CAST: variants seen among roughly 807,000 people sequenced by gnomAD.
CAST encodes the protein calpastatin, also known as MIR583 host.
A neutral mutation model predicts 119.6 loss-of-function variants in CAST; 76 were observed. The ratio of observed to expected loss-of-function variants is 0.64; its 90% CI spans 0.53 to 0.77. The LOEUF is 0.77. Among genes scored for constraint, CAST ranks in the 30% least tolerant of loss-of-function variants. The pLI, the probability that CAST is intolerant of heterozygous loss-of-function variation, is 0.00. For missense variants in CAST, 953 were observed against 946.5 expected, an observed-to-expected ratio of 1.01 and a Z score of -0.09; for synonymous variants, 319 against 331.6, an observed-to-expected ratio of 0.96 and a Z score of 0.41.
the CAST span, among the ~76,000 whole-genome samples, chr5:96,137,236 A>G: frequency 1.3e-5 from 2 of 152,080 alleles, no homozygotes; most frequent in African/African-American, 4.8e-5. Flanking sequence ...TTTGTCTTTT[A>G]CAGAATGTGA....
chr5:96,541,040 T>C (rs541003919), intron 1 of CAST, among the ~76,000 whole-genome samples: 1 of 151,572 alleles, frequency 6.6e-6, no homozygotes, highest in South Asian at 2.1e-4. Flanking sequence ...GAAGTCGCAA[T>C]GCACAGAACA....
the CAST span, among the ~76,000 whole-genome samples, chr5:96,493,380 C>T: frequency 6.6e-6 from 1 of 152,150 alleles, no homozygotes; most frequent in African/African-American, 2.4e-5. Flanking sequence ...GTCCCTTTGT[C>T]CTGCAATCTA....
the CAST span, among the ~76,000 whole-genome samples, chr5:96,322,279 G>T: frequency 6.6e-6 from 1 of 152,160 alleles, no homozygotes; most frequent in African/African-American, 2.4e-5. Flanking sequence ...CCCTGAGGGT[G>T]CTACAGAGGC....
chr5:96,062,045 C>T, the CAST span, among the ~76,000 whole-genome samples: 2 of 152,084 alleles, frequency 1.3e-5, no homozygotes, highest in Admixed American at 6.6e-5. Flanking sequence ...CCCTTTTCAC[C>T]TTGAAATCCG....
chr5:96,427,347 G>A, the CAST span, among the ~76,000 whole-genome samples: 1 of 152,102 alleles, frequency 6.6e-6, no homozygotes, highest in African/African-American at 2.4e-5. Flanking sequence ...CAGGCTGAAT[G>A]GTATAGAGGA....
chr5:96,360,577 C>T, the CAST span, among the ~76,000 whole-genome samples: 43,888 of 152,064 alleles, frequency 0.29, 7,424 homozygotes, highest in Admixed American at 0.42. Flanking sequence ...TTCCTCCTGA[C>T]GGTCAGGCTC....
At chr5:96,136,500 G>A in the CAST span, among the ~76,000 whole-genome samples, 1 of 152,124 alleles carries the variant, frequency 6.6e-6, no homozygotes, top group Admixed American at 6.6e-5. Context: ...TACTGTATTA[G>A]AAAACAAACA....
At chr5:96,710,946 T>C (rs1474304079) in intron 3 of CAST, among the ~76,000 whole-genome samples, 1 of 152,218 alleles carries the variant, frequency 6.6e-6, no homozygotes, top group African/African-American at 2.4e-5. Flanking sequence ...CTGTTGAGTT[T>C]GAGCCTTCTG....
chr5:96,486,380 A>G, the CAST span, among the ~76,000 whole-genome samples: 2 of 152,268 alleles, frequency 1.3e-5, no homozygotes, highest in Non-Finnish European at 2.9e-5. Flanking sequence ...GTCATCTGCC[A>G]TTGGAAACTC....
the CAST span, among the ~76,000 whole-genome samples, chr5:96,286,304 C>T: frequency 1.3e-5 from 2 of 152,258 alleles, no homozygotes; most frequent in South Asian, 2.1e-4. Context: ...GGTAGCTGAC[C>T]TATAGAAATA....
the CAST span, chr5:96,408,350 G>T: frequency 6.4e-7 from 1 of 1,557,184 alleles, no homozygotes; most frequent in Non-Finnish European, 8.9e-7. Flanking sequence ...AGGAGAGAAA[G>T]GCAGGGAGAA....
chr5:96,123,114 T>C, the CAST span, among the ~76,000 whole-genome samples: 1 of 152,164 alleles, frequency 6.6e-6, no homozygotes, highest in Admixed American at 6.6e-5. Flanking sequence ...CCTATAGAAA[T>C]GCATCAATGG....
intron 1 of CAST, among the ~76,000 whole-genome samples, chr5:96,578,186 T>C (rs1317424947): frequency 6.6e-6 from 1 of 152,152 alleles, no homozygotes; most frequent in Non-Finnish European, 1.5e-5. Flanking sequence ...TCTCTCTTTG[T>C]TGTTAGCAAT....
chr5:96,158,559 G>T, the CAST span, among the ~76,000 whole-genome samples: 5 of 152,180 alleles, frequency 3.3e-5, no homozygotes, highest in East Asian at 9.6e-4. Context: ...GAAAACTCAA[G>T]AATCTTATAT....
At chr5:96,627,505 A>G (rs1747745935) in intron 1 of CAST, among the ~76,000 whole-genome samples, 1 of 152,228 alleles carries the variant, frequency 6.6e-6, no homozygotes, top group Non-Finnish European at 1.5e-5. Context: ...ATACAAAGTC[A>G]GACATTTTTT....
chr5:96,053,700 A>G, the CAST span, among the ~76,000 whole-genome samples: 1 of 152,238 alleles, frequency 6.6e-6, no homozygotes, highest in Non-Finnish European at 1.5e-5. Context: ...GTTACTAAAC[A>G]TTAAATAGGG....
chr5:96,275,782 A>G, the CAST span, among the ~76,000 whole-genome samples: 1 of 152,238 alleles, frequency 6.6e-6, no homozygotes, highest in South Asian at 2.1e-4. Context: ...TTAAGTTGTT[A>G]TGATGCACAT....
At chr5:96,476,728 C>G in the CAST span, among the ~76,000 whole-genome samples, 5 of 152,236 alleles carry the variant, frequency 3.3e-5, no homozygotes, top group East Asian at 9.6e-4. Context: ...AACAAAGTAT[C>G]TTAACTTTCA....
the CAST span, among the ~76,000 whole-genome samples, chr5:96,420,035 C>G: frequency 6.6e-6 from 1 of 152,122 alleles, no homozygotes; most frequent in Non-Finnish European, 1.5e-5. Flanking sequence ...CCATCTAAGT[C>G]TCCTCAAGTG....
Sources: allele counts gnomAD v4.1 joint callset (sites outside exome capture counted in the v4.1 genomes callset), GRCh38; gene constraint gnomAD v4.1.1; transcripts MANE v1.5; gene names NCBI Gene and HGNC (gene_info 2026-07-23, HGNC 2026-07-21).